The following OR2C3 variants were observed in gnomAD, a reference collection of about 807,000 sequenced individuals.
OR2C3 encodes olfactory receptor 2C3.
For missense variants in OR2C3, 425 were observed against 401.5 expected (o/e 1.06, Z -0.50); for synonymous variants, 178 against 163.4 (o/e 1.09, Z -0.68).
chr1:247,529,350 C>A lies in OR2C3; in HGVS notation c.*2199G>T, dbSNP rs1320076927. On this transcript the variant is annotated 3_prime_UTR_variant, in exon 3 of 3. Coordinates refer to ENST00000641802, the MANE Select transcript of OR2C3 (RefSeq NM_198074.6). ...CCCTTGGAATTCATGATTCATACTT[C>A]ATACCTCAATATTCAGAAGCAGTGG... The A allele has an allele frequency of 1.3e-5, 2 of 152,186 alleles. No homozygotes were observed. The highest frequency in any genetic ancestry group is 2.9e-5 in the Non-Finnish European group (2 of 68,044). The allele number at this position is 152,186 out of a possible 1,614,324, so 9.4% of individuals were successfully genotyped here.
In OR2C3 at chr1:247,535,927, G is replaced by T. The variant is rs145001809; in HGVS notation, c.-402+241C>A. 5.0e-4 allele frequency among the ~76,000 whole-genome samples: 76 copies of T among 152,340 alleles called. 1 individual carries two copies. Among genetic ancestry groups the T allele is most frequent in the African/African-American group, 1.8e-3 (75 of 41,578 alleles). On this transcript the variant is annotated intron_variant, in intron 1 of 2. Coordinates refer to ENST00000641802, the MANE Select transcript of OR2C3 (RefSeq NM_198074.6). ...TTAAGACAAAGATAGCATACTGAAA[G>T]TTAAGGAAACGTCTTGAGTTCAAAT...
In OR2C3 at chr1:247,532,536, G is replaced by A; in HGVS notation, c.-25C>T. On this transcript the variant is annotated 5_prime_UTR_variant, in exon 3 of 3. Transcript: ENST00000641802. ...TTGTATGCTGGGGGTGGGGCAAAAG[G>A]CCACCTGTGGGAAGAGCACAGGGCA... 1.9e-6 allele frequency: 3 copies of A among 1,604,478 alleles called. No individual in the cohort carries two copies. The highest frequency in any genetic ancestry group is 2.6e-6 in the Non-Finnish European group (3 of 1,174,818).
rs1666936074 is a variant in OR2C3, at chr1:247,531,207, C to T, written c.*342G>A. On this transcript the variant is annotated 3_prime_UTR_variant, in exon 3 of 3. Transcript: ENST00000641802. ...CTCCGGTCTCCCCGCGCGCTCTCAG[C>T]GTCGTCAAAGTTTATTATCCACGGA... 3.7e-6 allele frequency: 1 copy of T among 269,846 alleles called. No individual in the cohort carries two copies. The highest frequency in any genetic ancestry group is 7.1e-6 in the Non-Finnish European group (1 of 141,066). The allele number at this position is 269,846 out of a possible 1,614,324, so 16.7% of individuals were successfully genotyped here.
rs61746303 is a variant in OR2C3 at position 247,532,455 on chromosome 1, G to A, written c.57C>T (p.Ser19=). 944 of 1,613,886 alleles carry A rather than the reference G, an allele frequency of 5.8e-4. 3 individuals are homozygous for A. In the African/African-American group the frequency reaches 0.01, roughly 17 times the overall value. The change falls in exon 3 of 3, where the codon TCC becomes TCT. Residue 19 remains serine (S), a synonymous_variant. Transcript: ENST00000641802. ...GGACAGTTTCTAGTGAGGGTCGTGT[G>A]GAGAAGCCCAGGAGGACAAAGACTT... ...SPEVFVLLGF[S]TRPSLETVLF... is the part of the protein sequence containing the mutation.
Position 247,532,225 on chromosome 1 carries a change from C to T in OR2C3, c.287G>A (p.Gly96Glu). ...LWGPQKTISYGGCVVQFYISH... is the reference protein window; with the variant it reads ...LWGPQKTISYEGCVVQFYISH... ...GATATAGAACTGGACCACACACCCTCCATAGCTTATGGTTTTCTGTGGTCC... is the reference window on the plus strand; with the variant it reads ...GATATAGAACTGGACCACACACCCTTCATAGCTTATGGTTTTCTGTGGTCC... Residue 96 changes from glycine (G) to glutamate (E), a missense_variant, in exon 3 of 3, where the codon GGA (glycine) becomes GAA (glutamate). Physicochemically the swap from Gly to Glu is moderately conservative, Grantham distance 98. Transcript: ENST00000641802. 6.2e-7 allele frequency: 1 copy of T among 1,614,210 alleles called. No homozygotes were observed. Among genetic ancestry groups the T allele is most frequent in the South Asian group, 1.1e-5 (1 of 91,084 alleles).
Position 247,532,538 on chromosome 1 carries a change from C to T in OR2C3, c.-27G>A. On this transcript the variant is annotated splice_region_variant and 5_prime_UTR_variant, in exon 3 of 3. The change creates a premature stop within an existing upstream ORF in the 5' untranslated region. Coordinates refer to ENST00000641802, the MANE Select transcript of OR2C3 (RefSeq NM_198074.6). The stretch of plus-strand genomic sequence containing the variant: ...GTATGCTGGGGGTGGGGCAAAAGGC[C>T]ACCTGTGGGAAGAGCACAGGGCATA... 6.2e-7 allele frequency: 1 copy of T among 1,603,816 alleles called. No individual in the cohort carries two copies. Among genetic ancestry groups the T allele is most frequent in the Non-Finnish European group, 8.5e-7 (1 of 1,174,522 alleles).
chr1:247,531,973 C>T lies in OR2C3; in HGVS notation c.539G>A (p.Cys180Tyr). 6.2e-7 allele frequency: 1 copy of T among 1,614,108 alleles called. No homozygotes were observed. The highest frequency in any genetic ancestry group is 1.1e-5 in the South Asian group (1 of 91,078). The change falls in exon 3 of 3, where the codon TGC becomes TAC. Residue 180 changes from cysteine (C) to tyrosine (Y), a missense_variant. Physicochemically the swap from Cys to Tyr is radical, Grantham distance 194. Transcript: ENST00000641802. ...CGNNCIDHFF[C>Y]EMPLIMQLAC... is the part of the protein sequence containing the mutation. ...CAGTTGCATAATGAGGGGCATCTCG[C>T]AAAAGAAGTGGTCGATGCAATTGTT...
intron 1 of OR2C3, among the ~76,000 whole-genome samples, chr1:247,534,490 CTTTTGTACAGTTGGAA>C (rs1558243842): frequency 6.6e-6 from 1 of 152,192 alleles, no homozygotes; most frequent in Non-Finnish European, 1.5e-5. Context: ...CTATCCTCTG[CTTTTGTACAGTTGGAA>C]TAAAACGAGC....
chr1:247,532,817 G>A (rs1327051867), intron 2 of OR2C3, among the ~76,000 whole-genome samples: 2 of 151,750 alleles, frequency 1.3e-5, no homozygotes, highest in South Asian at 2.1e-4. Context: ...CAGCTACGTG[G>A]ATGGCATTGC....
At chr1:247,532,623 T>G (rs1667032500) in intron 2 of OR2C3, 83 bp from the exon 3 acceptor site, 1 of 1,031,860 alleles carries the variant, frequency 9.7e-7, no homozygotes, top group South Asian at 1.6e-5. Context: ...GTATTTTAGT[T>G]CATTTTATGT....
Position 247,524,927 on chromosome 1 carries a change from C to T in OR2C3, c.*6622G>A, listed in dbSNP as rs548924109. On this transcript the variant is annotated 3_prime_UTR_variant, in exon 3 of 3. Coordinates refer to ENST00000641802, the MANE Select transcript of OR2C3 (RefSeq NM_198074.6). The stretch of plus-strand genomic sequence containing the variant: ...AAACACAAATAGCCCCAAAACATAC[C>T]AGAAGATGTTAAACCTCACTAATGA... 5 of 152,082 alleles carry T rather than the reference C, an allele frequency of 3.3e-5. No homozygotes were observed. Among genetic ancestry groups the T allele is most frequent in the Admixed American group, 3.3e-4 (5 of 15,276 alleles). 9.4% of individuals were successfully genotyped at this position (152,082 alleles called of 1,614,324 possible).
Position 247,530,871 on chromosome 1 carries a change from T to TGTTTCCTCCCCGCTTACCGCCGCCAC in OR2C3, c.*652_*677dup, listed in dbSNP as rs1666913093. ...CTCCGGGCGCATTTGGGCGGCGCCA[T>TGTTTCCTCCCCGCTTACCGCCGCCAC]GTTTCCTCCCCGCTTACCGCCGCCA... On this transcript the variant is annotated 3_prime_UTR_variant, in exon 3 of 3. Coordinates refer to ENST00000641802, the MANE Select transcript of OR2C3 (RefSeq NM_198074.6). 1 of 151,686 alleles carries TGTTTCCTCCCCGCTTACCGCCGCCAC rather than the reference T, an allele frequency of 6.6e-6. No homozygotes were observed. Among genetic ancestry groups the TGTTTCCTCCCCGCTTACCGCCGCCAC allele is most frequent in the Non-Finnish European group, 1.5e-5 (1 of 67,936 alleles). The allele number at this position is 151,686 out of a possible 1,614,324, so 9.4% of individuals were successfully genotyped here. A position where few individuals can be genotyped will look rare whatever the true frequency, so the allele number is the denominator to read the frequency against.
At chr1:247,535,196 T>A (rs941397457) in intron 1 of OR2C3, among the ~76,000 whole-genome samples, 1 of 152,138 alleles carries the variant, frequency 6.6e-6, no homozygotes, top group Non-Finnish European at 1.5e-5. Flanking sequence ...GTGCCTGTAG[T>A]CTCAGCTACT....
Position 247,531,869 on chromosome 1 carries a change from T to G in OR2C3, c.643A>C (p.Ile215Leu), listed in dbSNP as rs769749914. The G allele has an allele frequency of 6.2e-7, 1 of 1,614,200 alleles. No homozygotes were observed. Among genetic ancestry groups the G allele is most frequent in the East Asian group, 2.2e-5 (1 of 44,882 alleles). ...GCAATGTGGCCGTAAGAGACCAGGA[T>G]GAGCCCCAGAGGCAGGACAACAAAG... is the stretch of plus-strand genomic sequence containing the variant. ...FVFVVLPLGL[I>L]LVSYGHIARA... is the part of the protein sequence containing the mutation. The change falls in exon 3 of 3, where the codon ATC becomes CTC. Residue 215 changes from isoleucine to leucine, a missense_variant. Transcript: ENST00000641802.
chr1:247,531,715 C>A lies in OR2C3; in HGVS notation c.797G>T (p.Ser266Ile). 6.2e-7 allele frequency: 1 copy of A among 1,614,150 alleles called. No homozygotes were observed. The highest frequency in any genetic ancestry group is 1.6e-4 in the Middle Eastern group (1 of 6,062). The stretch of plus-strand genomic sequence containing the variant: ...GAACTTGCCCTGCTCATGGGAGGTG[C>A]TCTTGGCTGGCTGGAGATACATGAA... ...IIFMYLQPAK[S>I]TSHEQGKFIA... Residue 266 changes from serine to isoleucine, a missense_variant, in exon 3 of 3, where the codon AGC becomes ATC. Ser to Ile is a moderately radical substitution (Grantham distance 142). Transcript: ENST00000641802.
chr1:247,535,083 G>C (rs145003636), intron 1 of OR2C3, among the ~76,000 whole-genome samples: 4 of 152,218 alleles, frequency 2.6e-5, no homozygotes, highest in South Asian at 2.1e-4. Flanking sequence ...AGGCTGAAGT[G>C]GGGGGAATCA....
In OR2C3 at chr1:247,527,952, A is replaced by C. The variant is rs895735517; in HGVS notation, c.*3597T>G. The C allele has an allele frequency of 1.3e-5, 2 of 151,978 alleles. No homozygotes were observed. The highest frequency in any genetic ancestry group is 4.8e-5 in the African/African-American group (2 of 41,342). 9.4% of individuals were successfully genotyped at this position (151,978 alleles called of 1,614,324 possible). A position where few individuals can be genotyped will look rare whatever the true frequency, so the allele number is the denominator to read the frequency against. On this transcript the variant is annotated 3_prime_UTR_variant, in exon 3 of 3. Coordinates refer to ENST00000641802, the MANE Select transcript of OR2C3 (RefSeq NM_198074.6). This position sits in a 1 kb window ranked among gnomAD's most constrained non-coding sequence, Gnocchi z 4.6. ...TGTTCTACTTATTTCTATGAGATCA[A>C]CCCTTTTTTAGCTTTCACAGATGAA...
chr1:247,532,660 C>T, intron 2 of OR2C3, 120 bp from the exon 3 acceptor site: 3 of 746,298 alleles, frequency 4.0e-6, no homozygotes, highest in Non-Finnish European at 4.2e-6. Flanking sequence ...CACAATTTCA[C>T]TGTGTTGCCC....
In OR2C3 at chr1:247,532,501, A is replaced by G; in HGVS notation, c.11T>C (p.Ile4Thr). 1 of 1,613,342 alleles carries G rather than the reference A, an allele frequency of 6.2e-7. No homozygotes were observed. The highest frequency in any genetic ancestry group is 1.7e-5 in the Admixed American group (1 of 60,008). Residue 4 changes from isoleucine (I) to threonine (T), a missense_variant, in exon 3 of 3, where the codon ATA becomes ACA. Transcript: ENST00000641802. ...GACTTCTGGAGAACTCACATTGGCTATTTCCATCATTGTATGCTGGGGGTG... is the reference window on the plus strand; with the variant it reads ...GACTTCTGGAGAACTCACATTGGCTGTTTCCATCATTGTATGCTGGGGGTG... The part of the protein sequence containing the change: MME[I>T]ANVSSPEVFV...
Sources: allele counts gnomAD v4.1 joint callset (sites outside exome capture counted in the v4.1 genomes callset), GRCh38; gene constraint gnomAD v4.1.1; non-coding constraint Gnocchi (gnomAD v3.1); transcripts MANE v1.5; gene names NCBI Gene and HGNC (gene_info 2026-07-23, HGNC 2026-07-21).